The following DPP8 variants were observed in gnomAD, a reference collection of about 807,000 sequenced individuals.
DPP8 encodes the protein dipeptidyl peptidase 8.
DPP8 carries 31 observed loss-of-function variants against 107.5 expected under a neutral mutation model. That is an observed-to-expected ratio of 0.29 (90% confidence interval 0.22 to 0.39). The LOEUF (loss-of-function observed/expected upper bound fraction) is 0.39, where lower values mean the gene tolerates loss of function less well. Ranked by LOEUF, DPP8 falls within the 10% of genes least tolerant of loss-of-function variation. DPP8 has a pLI of 1.00. For missense variants in DPP8, 842 were observed against 1,076.1 expected (o/e 0.78, Z 3.04); for synonymous variants, 381 against 356.6 (o/e 1.07, Z -0.77).
intron 4 of DPP8, among the ~76,000 whole-genome samples, chr15:65,499,654 T>C (rs932754594): frequency 6.6e-5 from 10 of 152,160 alleles, no homozygotes; most frequent in African/African-American, 2.4e-4. Flanking sequence ...AACCTCCGCC[T>C]CCCAGGCTCA....
chr15:65,452,279 T>G (rs537524925), intron 17 of DPP8, among the ~76,000 whole-genome samples, 177 bp from the exon 18 acceptor site: 85 of 152,286 alleles, frequency 5.6e-4, no homozygotes, highest in African/African-American at 2.0e-3. Flanking sequence ...GTCAAGAATT[T>G]GATACTCTGT....
chr15:65,490,440 G>A (rs990509070), intron 5 of DPP8, 141 bp from the exon 6 acceptor site: 1 of 657,038 alleles, frequency 1.5e-6, no homozygotes, highest in Non-Finnish European at 2.7e-6. Context: ...CAAATCTGGG[G>A]TCCATAATGT....
At chr15:65,512,922 C>T (rs1041420298) in intron 1 of DPP8, 26 of 206,032 alleles carry the variant, frequency 1.3e-4, no homozygotes, top group African/African-American at 5.3e-4. Flanking sequence ...CCCAAGAGCA[C>T]GTCAATAGTG....
chr15:65,500,471 T>G, intron 4 of DPP8, 135 bp downstream of exon 4: 3 of 685,006 alleles, frequency 4.4e-6, no homozygotes, highest in Non-Finnish European at 5.0e-6. Context: ...ATGTTTCTTG[T>G]TTTCATTGCT....
intron 4 of DPP8, 48 bp from the exon 5 acceptor site, chr15:65,498,080 C>T: frequency 2.2e-6 from 3 of 1,334,978 alleles, no homozygotes; most frequent in East Asian, 2.4e-5. Flanking sequence ...CTGACACATA[C>T]ATGTTCCAGC....
Position 65,464,684 on chromosome 15 carries a change from T to C in DPP8, c.1826-778A>G, listed in dbSNP as rs148136137. Among the ~76,000 whole-genome samples, 189 of 152,240 alleles carry C rather than the reference T, an allele frequency of 1.2e-3. 1 individual carries two copies. Among genetic ancestry groups the C allele is most frequent in the African/African-American group, 4.3e-3 (180 of 41,552 alleles). On this transcript the variant is annotated intron_variant, in intron 14 of 19. Transcript: ENST00000300141. Reference sequence around the variant, plus strand: ...CAGCCTGAGCGACAGAACAAGACACTGTCTCGACAACAACAAAAACCCACC... The same window carrying C: ...CAGCCTGAGCGACAGAACAAGACACCGTCTCGACAACAACAAAAACCCACC...
intron 19 of DPP8, 62 bp from the exon 20 acceptor site, chr15:65,447,068 C>T: frequency 7.7e-7 from 1 of 1,301,806 alleles, no homozygotes; most frequent in East Asian, 2.5e-5. Context: ...ACATCTTCTT[C>T]CAAAGCTTTC....
At chr15:65,481,983 T>TAC (rs995736564) in intron 8 of DPP8, among the ~76,000 whole-genome samples, 2 of 142,120 alleles carry the variant, frequency 1.4e-5, no homozygotes, top group East Asian at 1.9e-4. Flanking sequence ...TATATATATA[T>TAC]ACACACACTA....
At chr15:65,485,053 G>T in intron 8 of DPP8, 46 bp downstream of exon 8, 4 of 1,447,136 alleles carry the variant, frequency 2.8e-6, no homozygotes, top group Non-Finnish European at 3.9e-6. Flanking sequence ...GGGCTGAATA[G>T]ATTAGTCAAA....
intron 11 of DPP8, among the ~76,000 whole-genome samples, chr15:65,475,799 G>A (rs2066332462): frequency 6.6e-6 from 1 of 152,184 alleles, no homozygotes; most frequent in Non-Finnish European, 1.5e-5. Context: ...CCAGGCTACA[G>A]TGCAGCGGCA....
intron 2 of DPP8, among the ~76,000 whole-genome samples, chr15:65,510,453 A>C (rs564343750): frequency 1.3e-5 from 2 of 152,252 alleles, no homozygotes; most frequent in African/African-American, 4.8e-5. Context: ...TGGAAAAAGA[A>C]CTTTAAAAAA....
At position 65,512,519 on chromosome 15, in the gene DPP8, A is replaced by G; in HGVS notation, c.35T>C (p.Val12Ala). The change falls in exon 2 of 20, where the codon GTT (valine) becomes GCT (alanine). Residue 12 changes from valine to alanine, a missense_variant. Val to Ala is a moderately conservative substitution (Grantham distance 64). Around this residue, in one of 2 missense-constraint regions of DPP8, gnomAD observed 663 missense variants for 758.0 expected, o/e 0.87. Coordinates refer to ENST00000300141, the MANE Select transcript of DPP8 (RefSeq NM_130434.5). ...ACAGTCCGCAGTTTCAAATATCTCA[A>G]CACCCAGCTGTTCTGTTTCCATTGC... ...AAAMETEQLG[V>A]EIFETADCEE... The G allele has an allele frequency of 7.4e-6, 12 of 1,614,096 alleles. No individual in the cohort carries two copies. The highest frequency in any genetic ancestry group is 1.1e-5 in the South Asian group (1 of 91,084).
chr15:65,453,768 C>A (rs2064170517), intron 17 of DPP8, among the ~76,000 whole-genome samples: 2 of 151,564 alleles, frequency 1.3e-5, no homozygotes, highest in Admixed American at 1.3e-4. Flanking sequence ...GATATATATA[C>A]ATTTCACATG....
intron 5 of DPP8, among the ~76,000 whole-genome samples, chr15:65,493,375 C>T (rs1432085873): frequency 4.6e-5 from 7 of 152,144 alleles, no homozygotes; most frequent in Non-Finnish European, 8.8e-5. Flanking sequence ...AGCCACCGTG[C>T]CCGGCCAAGA....
intron 15 of DPP8, among the ~76,000 whole-genome samples, chr15:65,460,683 A>G (rs567010499): frequency 1.3e-5 from 2 of 152,318 alleles, no homozygotes; most frequent in African/African-American, 4.8e-5. Flanking sequence ...GGCTGAATAA[A>G]ATAATATTCC....
intron 5 of DPP8, among the ~76,000 whole-genome samples, chr15:65,494,889 C>G (rs1021055456): frequency 1.3e-5 from 2 of 152,144 alleles, no homozygotes; most frequent in Non-Finnish European, 2.9e-5. Context: ...CTGCAACAGT[C>G]AAGCTTTGGT....
At chr15:65,459,550 C>T (rs1020267464) in intron 15 of DPP8, 2 of 152,154 alleles carry the variant, frequency 1.3e-5, no homozygotes, top group African/African-American at 4.8e-5. Context: ...CCTAAGTCAC[C>T]TATAGTTTTT....
At chr15:65,499,103 G>GTATATATA (rs200765429) in intron 4 of DPP8, among the ~76,000 whole-genome samples, 2 of 130,062 alleles carry the variant, frequency 1.5e-5, no homozygotes, top group African/African-American at 7.3e-5. Flanking sequence ...GTGTGTGTGT[G>GTATATATA]TGTATATATA....
At position 65,475,288 on chromosome 15, in the gene DPP8, A is replaced by C. The variant is rs948773705; in HGVS notation, c.1457-1000T>G. ...AGGCTAGAGAGACCCAAATACCTCT[A>C]TTCCACCCCAGTGGTAGGTGGAAGT... On this transcript the variant is annotated intron_variant, in intron 11 of 19. Transcript: ENST00000300141. 5 of 687,856 alleles carry C rather than the reference A, an allele frequency of 7.3e-6. No homozygotes were observed. The African/African-American group carries it at 8.8e-5, about 12-fold the overall frequency. 42.6% of individuals were successfully genotyped at this position (687,856 alleles called of 1,614,324 possible). A position where few individuals can be genotyped will look rare whatever the true frequency, so the allele number is the denominator to read the frequency against.
Sources: allele counts gnomAD v4.1 joint callset (sites outside exome capture counted in the v4.1 genomes callset), GRCh38; gene constraint gnomAD v4.1.1; regional missense constraint gnomAD v4.1.1; transcripts MANE v1.5; gene names NCBI Gene and HGNC (gene_info 2026-07-23, HGNC 2026-07-21).